The following NRXN3 variants were observed in gnomAD, a reference collection of about 807,000 sequenced individuals.
NRXN3 encodes the protein neurexin III.
A neutral mutation model predicts 137.6 loss-of-function variants in NRXN3; 32 were observed. The ratio of observed to expected loss-of-function variants is 0.23; its 90% CI spans 0.18 to 0.31. NRXN3 has a LOEUF of 0.31. Among genes scored for constraint, NRXN3 ranks in the 10% least tolerant of loss-of-function variants. The pLI, the probability that NRXN3 is intolerant of heterozygous loss-of-function variation, is 1.00. For missense variants in NRXN3, 1,574 were observed against 2,062.5 expected (o/e 0.76, Z 4.59); for synonymous variants, 798 against 784.5 (o/e 1.02, Z -0.29).
chr14:78,258,609 A>G (rs2070107780), intron 2 of NRXN3, among the ~76,000 whole-genome samples: 3 of 152,190 alleles, frequency 2.0e-5, no homozygotes, highest in East Asian at 3.9e-4. Context: ...AATCCATAAG[A>G]TAGACTATAG....
intron 8 of NRXN3, among the ~76,000 whole-genome samples, chr14:78,764,674 A>G (rs1057458742): frequency 1.1e-4 from 16 of 152,192 alleles, no homozygotes; most frequent in Admixed American, 1.0e-3. Context: ...GAAAGTTGGA[A>G]ATAAGTGGTG....
intron 16 of NRXN3, among the ~76,000 whole-genome samples, chr14:79,524,121 C>A (rs962927065): frequency 2.6e-5 from 4 of 152,180 alleles, no homozygotes; most frequent in African/African-American, 9.7e-5. Context: ...TGCCTGCGAC[C>A]TTCAGCAAAC....
At chr14:79,755,457 A>T (rs1022661696) in intron 19 of NRXN3, among the ~76,000 whole-genome samples, 1 of 151,992 alleles carries the variant, frequency 6.6e-6, no homozygotes, top group African/African-American at 2.4e-5. Flanking sequence ...TTTTCTGCCT[A>T]ATAAAAGGCT....
At chr14:79,014,302 T>C (rs115598074) in intron 15 of NRXN3, among the ~76,000 whole-genome samples, 2,066 of 152,254 alleles carry the variant, frequency 0.014, 53 homozygotes, top group African/African-American at 0.047. Context: ...ATTCCCTTCT[T>C]TGTATCTCTA....
intron 1 of NRXN3, among the ~76,000 whole-genome samples, chr14:78,223,369 A>G (rs1019413472): frequency 6.6e-6 from 1 of 152,140 alleles, no homozygotes; most frequent in African/African-American, 2.4e-5. Context: ...CTGGTTTTCT[A>G]TGGAGCACAT....
At chr14:79,185,155 A>T (rs1269213230) in intron 15 of NRXN3, among the ~76,000 whole-genome samples, 3 of 152,162 alleles carry the variant, frequency 2.0e-5, no homozygotes, top group African/African-American at 4.8e-5. Flanking sequence ...TTTCTAATAA[A>T]CTATTTTTTA....
At chr14:78,447,791 T>C (rs761019670) in intron 4 of NRXN3, among the ~76,000 whole-genome samples, 1 of 152,248 alleles carries the variant, frequency 6.6e-6, no homozygotes, top group Non-Finnish European at 1.5e-5. Context: ...TTATAGAAAC[T>C]TCATAAAGCA....
intron 16 of NRXN3, among the ~76,000 whole-genome samples, chr14:79,474,497 A>G (rs748150996): frequency 1.3e-5 from 2 of 152,120 alleles, no homozygotes; most frequent in Non-Finnish European, 2.9e-5. Context: ...TTCACAATGA[A>G]GACTTTTGGA....
chr14:78,364,595 A>C (rs2085625699), intron 4 of NRXN3, among the ~76,000 whole-genome samples: 1 of 152,204 alleles, frequency 6.6e-6, no homozygotes, highest in African/African-American at 2.4e-5. Context: ...CATGTGTCAT[A>C]CGTATCCTGA....
At chr14:78,543,100 G>A (rs1226984972) in intron 4 of NRXN3, among the ~76,000 whole-genome samples, 1 of 152,118 alleles carries the variant, frequency 6.6e-6, no homozygotes, top group Admixed American at 6.5e-5. Context: ...TATAGTGTTG[G>A]TTTAATTAGG....
chr14:78,500,799 G>C (rs116350968), intron 4 of NRXN3, among the ~76,000 whole-genome samples: 1,991 of 152,204 alleles, frequency 0.013, 46 homozygotes, highest in African/African-American at 0.046. Context: ...CTGCTCCTTT[G>C]TTTATTCAGC....
At chr14:78,781,828 T>C (rs546951287) in intron 8 of NRXN3, among the ~76,000 whole-genome samples, 2 of 152,342 alleles carry the variant, frequency 1.3e-5, no homozygotes, top group South Asian at 2.1e-4. Context: ...CTGAAGGCAA[T>C]AGTTAGCAGG....
intron 15 of NRXN3, among the ~76,000 whole-genome samples, chr14:79,207,826 T>C (rs2067015967): frequency 6.6e-6 from 1 of 152,114 alleles, no homozygotes. Flanking sequence ...GTTGTGAAGG[T>C]ATAGTATTGA....
chr14:79,406,447 G>A (rs2095314309), intron 15 of NRXN3, among the ~76,000 whole-genome samples: 1 of 151,926 alleles, frequency 6.6e-6, no homozygotes, highest in Non-Finnish European at 1.5e-5. Flanking sequence ...GATCACAGTT[G>A]CATGCCACAG....
chr14:78,327,269 T>C (rs2080221248), intron 4 of NRXN3, among the ~76,000 whole-genome samples: 1 of 152,170 alleles, frequency 6.6e-6, no homozygotes, highest in Non-Finnish European at 1.5e-5. Context: ...AGAAACCTAC[T>C]GTCAACCTAA....
At chr14:78,815,743 T>A (rs1461580128) in intron 10 of NRXN3, among the ~76,000 whole-genome samples, 2 of 152,120 alleles carry the variant, frequency 1.3e-5, no homozygotes, top group Non-Finnish European at 2.9e-5. Flanking sequence ...AGAGCCAAAT[T>A]GTTTAGCTCT....
At chr14:78,970,053 G>A (rs2099431410) in intron 14 of NRXN3, among the ~76,000 whole-genome samples, 1 of 152,094 alleles carries the variant, frequency 6.6e-6, no homozygotes, top group South Asian at 2.1e-4. Flanking sequence ...TTGTAGAATG[G>A]CAGTAATTCC....
At chr14:78,692,211 T>C (rs1477973114) in intron 6 of NRXN3, among the ~76,000 whole-genome samples, 1 of 152,068 alleles carries the variant, frequency 6.6e-6, no homozygotes. Flanking sequence ...GAGTCAGAGG[T>C]AAAGGTCGGT....
At chr14:78,835,830 CTA>C (rs907367092) in intron 10 of NRXN3, among the ~76,000 whole-genome samples, 2 of 151,986 alleles carry the variant, frequency 1.3e-5, no homozygotes, top group African/African-American at 2.4e-5. Flanking sequence ...CTCAAAGACT[CTA>C]AGTCTATGCT....
Sources: gnomAD v4.1 joint callset for allele counts (sites outside exome capture counted in the v4.1 genomes callset) on GRCh38, gnomAD v4.1.1 for gene constraint, MANE v1.5 for transcripts, NCBI Gene and HGNC (gene_info 2026-07-23, HGNC 2026-07-21) for gene names.